Variants in MAGI2 observed in about 807,000 individuals in gnomAD.
MAGI2 encodes the protein membrane-associated guanylate kinase, WW and PDZ domain-containing protein 2.
In MAGI2, 35 loss-of-function variants were observed where a neutral mutation model predicts 133.3. The observed-to-expected ratio is 0.26, with a 90% confidence interval of 0.20 to 0.35. MAGI2 has a LOEUF of 0.35. Ranked by LOEUF, MAGI2 falls within the 10% of genes least tolerant of loss-of-function variation. The pLI is 1.00. For missense variants in MAGI2, 1,636 were observed against 1,863.4 expected, an observed-to-expected ratio of 0.88 and a Z score of 2.25; for synonymous variants, 729 against 710.6, an observed-to-expected ratio of 1.03 and a Z score of -0.41.
intron 10 of MAGI2, among the ~76,000 whole-genome samples, chr7:78,211,269 C>T (rs1787743807): frequency 6.6e-6 from 1 of 152,090 alleles, no homozygotes; most frequent in Admixed American, 6.5e-5. Context: ...TGGGACTAGA[C>T]AGGAGAATTC....
chr7:78,070,172 CACATATATAT>C (rs1216706390), intron 21 of MAGI2, among the ~76,000 whole-genome samples: 1 of 28,888 alleles, frequency 3.5e-5, no homozygotes, highest in Non-Finnish European at 6.8e-5. Context: ...TACACACACA[CACATATATAT>C]ATATATATAT....
At chr7:79,334,644 G>T (rs1157434675) in intron 1 of MAGI2, among the ~76,000 whole-genome samples, 3 of 152,106 alleles carry the variant, frequency 2.0e-5, no homozygotes, top group Non-Finnish European at 4.4e-5. Context: ...TTTAGAAATA[G>T]TAATGTTGTA....
Position 79,058,162 on chromosome 7 carries a change from C to G in MAGI2, c.302-50956G>C, listed in dbSNP as rs536274621. On this transcript the variant is annotated intron_variant, in intron 1 of 21. Transcript: ENST00000354212. ...ACAAGGCAAAAGACCAGGGAAAATG[C>G]GATGGGATACAAATTCAAGTCAGAA... Among the ~76,000 whole-genome samples, 396 of 151,930 alleles carry G rather than the reference C, an allele frequency of 2.6e-3. 2 individuals are homozygous for G. The highest frequency in any genetic ancestry group is 9.1e-3 in the African/African-American group (378 of 41,456).
chr7:78,812,973 G>A (rs1789206440), intron 2 of MAGI2, among the ~76,000 whole-genome samples: 1 of 152,134 alleles, frequency 6.6e-6, no homozygotes, highest in Non-Finnish European at 1.5e-5. Flanking sequence ...ACAGGCTAGA[G>A]GTTCTGGTTC....
chr7:78,981,526 CTTAA>C (rs143761382), intron 2 of MAGI2, among the ~76,000 whole-genome samples: 2,652 of 151,534 alleles, frequency 0.018, 83 homozygotes, highest in African/African-American at 0.061. Flanking sequence ...ATTTCCTTTC[CTTAA>C]TTAATTTAAG....
intron 2 of MAGI2, among the ~76,000 whole-genome samples, chr7:78,634,770 A>T (rs1809449533): frequency 6.6e-6 from 1 of 152,178 alleles, no homozygotes; most frequent in Non-Finnish European, 1.5e-5. Flanking sequence ...AGGGTGGAAG[A>T]TGTGGAGAAT....
At chr7:78,043,375 G>T (rs1468805043) in intron 21 of MAGI2, among the ~76,000 whole-genome samples, 1 of 152,112 alleles carries the variant, frequency 6.6e-6, no homozygotes, top group African/African-American at 2.4e-5. Context: ...AAATACCTGC[G>T]TAGCCAGTTT....
chr7:78,125,808 C>T lies in MAGI2; in HGVS notation c.3453G>A (p.Glu1151=). ...QDFDYFTVDM[E]KGAKGFGFSI... ...TGAATCCAAATCCTTTGGCTCCTTT[C>T]TCCATGTCCACAGTGAAATAATCAA... is the stretch of plus-strand genomic sequence containing the variant. The change falls in exon 20 of 22, where the codon GAG becomes GAA. Residue 1151 remains glutamate (E), a synonymous_variant. Transcript: ENST00000354212. 6.2e-7 allele frequency: 1 copy of T among 1,614,178 alleles called. No individual in the cohort carries two copies. Among genetic ancestry groups the T allele is most frequent in the Non-Finnish European group, 8.5e-7 (1 of 1,180,024 alleles).
chr7:78,727,363 C>T (rs1820921011), intron 2 of MAGI2, among the ~76,000 whole-genome samples: 1 of 152,114 alleles, frequency 6.6e-6, no homozygotes, highest in African/African-American at 2.4e-5. Flanking sequence ...TCAGAATATG[C>T]AAATGTATGA....
intron 10 of MAGI2, among the ~76,000 whole-genome samples, chr7:78,232,134 C>A (rs1790042937): frequency 6.6e-6 from 1 of 151,916 alleles, no homozygotes; most frequent in Admixed American, 6.6e-5. Context: ...TAGCTTCAAA[C>A]AAAATTGGCA....
At chr7:78,991,757 C>T (rs1805810006) in intron 2 of MAGI2, among the ~76,000 whole-genome samples, 1 of 152,010 alleles carries the variant, frequency 6.6e-6, no homozygotes, top group African/African-American at 2.4e-5. Context: ...AGCTATGGAT[C>T]CATTTTTCTC....
chr7:78,511,554 T>TAAAAA (rs372551773), intron 4 of MAGI2, among the ~76,000 whole-genome samples: 10 of 104,804 alleles, frequency 9.5e-5, no homozygotes, highest in African/African-American at 3.9e-4. Context: ...TATATAAATT[T>TAAAAA]TTTTTTTTTT....
intron 2 of MAGI2, among the ~76,000 whole-genome samples, chr7:79,003,205 G>C (rs1332143218): frequency 4.0e-5 from 6 of 151,580 alleles, no homozygotes; most frequent in Non-Finnish European, 8.8e-5. Flanking sequence ...GCAGGTGGTG[G>C]GGGGGAGGTC....
At chr7:78,046,164 G>A (rs1368680613) in intron 21 of MAGI2, among the ~76,000 whole-genome samples, 1 of 151,688 alleles carries the variant, frequency 6.6e-6, no homozygotes, top group Non-Finnish European at 1.5e-5. Context: ...GGGAGGCCAA[G>A]GTGGGTGGAT....
chr7:78,238,834 C>A (rs1319105230), intron 10 of MAGI2, among the ~76,000 whole-genome samples: 2 of 152,194 alleles, frequency 1.3e-5, no homozygotes, highest in South Asian at 4.1e-4. Flanking sequence ...TCGTTTCATT[C>A]AAAAGTGAAA....
chr7:78,386,332 G>T (rs1210449162), intron 6 of MAGI2, among the ~76,000 whole-genome samples: 1 of 152,144 alleles, frequency 6.6e-6, no homozygotes, highest in African/African-American at 2.4e-5. Context: ...TTGTTTCATG[G>T]TAGAAGGAAA....
intron 2 of MAGI2, among the ~76,000 whole-genome samples, chr7:78,853,350 T>TCG (rs1173142788): frequency 3.1e-5 from 3 of 97,164 alleles, no homozygotes; most frequent in African/African-American, 1.2e-4. Context: ...TTTTTTTTTT[T>TCG]TTTTTTTTTT....
chr7:79,355,351 AC>A (rs1168685538), intron 1 of MAGI2, among the ~76,000 whole-genome samples: 1 of 110,014 alleles, frequency 9.1e-6, no homozygotes, highest in African/African-American at 3.4e-5. Context: ...AAACAAAAAA[AC>A]AAACAAAAAC....
intron 6 of MAGI2, among the ~76,000 whole-genome samples, chr7:78,479,820 G>T (rs1241311506): frequency 6.6e-6 from 1 of 151,650 alleles, no homozygotes; most frequent in East Asian, 1.9e-4. Flanking sequence ...TATCTGACAA[G>T]GATTTTAAAT....
Sources: gnomAD v4.1 joint callset for allele counts (sites outside exome capture counted in the v4.1 genomes callset) on GRCh38, gnomAD v4.1.1 for gene constraint, MANE v1.5 for transcripts, NCBI Gene and HGNC (gene_info 2026-07-23, HGNC 2026-07-21) for gene names.